The following POU6F2 variants were observed in gnomAD, a reference collection of about 807,000 sequenced individuals.
POU6F2 encodes POU class 6 homeobox 2, also known as POU domain, class 6, transcription factor 2.
POU6F2 carries 31 observed loss-of-function variants against 71.3 expected under a neutral mutation model. That is an observed-to-expected ratio of 0.43 (90% CI 0.33 to 0.59). The LOEUF is 0.59. Ranked by LOEUF, POU6F2 falls within the 20% of genes least tolerant of loss-of-function variation. POU6F2 has a pLI of 0.04. For missense variants in POU6F2, 783 were observed against 856.8 expected, an observed-to-expected ratio of 0.91 and a Z score of 1.07; for synonymous variants, 347 against 355.7, an observed-to-expected ratio of 0.98 and a Z score of 0.27.
chr7:39,080,322 A>G (rs1307385222), intron 1 of POU6F2, among the ~76,000 whole-genome samples: 1 of 152,170 alleles, frequency 6.6e-6, no homozygotes, highest in Non-Finnish European at 1.5e-5. Context: ...TCATACTTGA[A>G]GTTACCCTTT....
chr7:39,087,151 AATTAATTAATTT>A (rs1393986162), intron 2 of POU6F2, among the ~76,000 whole-genome samples: 16 of 58,860 alleles, frequency 2.7e-4, no homozygotes, highest in African/African-American at 7.2e-4. Context: ...TTTATTAATT[AATTAATTAATTT>A]ATTTATTTAT....
intron 4 of POU6F2, among the ~76,000 whole-genome samples, chr7:39,313,080 C>A (rs1389644067): frequency 1.3e-5 from 2 of 152,140 alleles, no homozygotes; most frequent in African/African-American, 4.8e-5. Flanking sequence ...GGAGAATCCA[C>A]CTCACTCAGA....
rs544558646 is a variant in POU6F2 at position 39,452,272 on chromosome 7, G to A, written c.1489+571G>A. Among the ~76,000 whole-genome samples, 43 of 152,288 alleles carry A rather than the reference G, an allele frequency of 2.8e-4. No homozygotes were observed. The South Asian group carries it at 7.9e-3, about 28-fold the overall frequency. On this transcript the variant is annotated intron_variant, in intron 8 of 9. Transcript: ENST00000518318. ...ACCATTCATAAAATAGGATAAGCCT[G>A]CAAGTCTGCCTCCCTAAATAGCCTA... is the stretch of plus-strand genomic sequence containing the variant.
chr7:39,029,193 C>T (rs989307222), intron 1 of POU6F2, among the ~76,000 whole-genome samples: 2 of 152,222 alleles, frequency 1.3e-5, no homozygotes, highest in African/African-American at 4.8e-5. Flanking sequence ...ATTATCATTG[C>T]TAGTACATAG....
At chr7:39,178,428 TATTTTCTAAGTATTATAAC>T (rs1408862464) in intron 2 of POU6F2, among the ~76,000 whole-genome samples, 1 of 152,216 alleles carries the variant, frequency 6.6e-6, no homozygotes, top group Non-Finnish European at 1.5e-5. Flanking sequence ...AAGTAGTCTT[TATTTTCTAAGTATTATAAC>T]ATTTTATAAG....
intron 4 of POU6F2, among the ~76,000 whole-genome samples, chr7:39,332,093 C>T (rs545376658): frequency 6.6e-6 from 1 of 152,324 alleles, no homozygotes; most frequent in East Asian, 1.9e-4. Context: ...CTCCTGGAAG[C>T]TCAATGACTT....
In POU6F2 at chr7:39,339,815, C is replaced by T. The variant is rs760180492; in HGVS notation, c.772C>T (p.Pro258Ser). Residue 258 changes from proline to serine, a missense_variant, in exon 5 of 10, where the codon CCA becomes TCA. Around this residue, in one of 2 missense-constraint regions of POU6F2, gnomAD observed 572 missense variants for 572.9 expected, o/e 1.00. Transcript: ENST00000518318. ...PLQPTPPQQP[P>S]PASQQPPAPT... is the part of the protein sequence containing the mutation. ...GCAGCCCACCCCACCCCAGCAGCCA[C>T]CACCCGCCTCTCAGCAGCCGCCAGC... is the stretch of plus-strand genomic sequence containing the variant. 2 of 1,576,492 alleles carry T rather than the reference C, an allele frequency of 1.3e-6. No individual in the cohort carries two copies. Among genetic ancestry groups the T allele is most frequent in the Admixed American group, 3.8e-5 (2 of 52,998 alleles).
chr7:39,114,512 G>A (rs893208936), intron 2 of POU6F2, among the ~76,000 whole-genome samples: 1 of 152,192 alleles, frequency 6.6e-6, no homozygotes, highest in African/African-American at 2.4e-5. Flanking sequence ...AAGGTCACAT[G>A]TGGGGAAAGT....
At chr7:39,340,500 C>T (rs1314526689) in intron 5 of POU6F2, among the ~76,000 whole-genome samples, 2 of 152,150 alleles carry the variant, frequency 1.3e-5, no homozygotes, top group Non-Finnish European at 2.9e-5. Flanking sequence ...TCTAAAGACT[C>T]TCTGGGGTTA....
intron 5 of POU6F2, among the ~76,000 whole-genome samples, chr7:39,395,834 A>G (rs554903045): frequency 1.3e-5 from 2 of 152,324 alleles, no homozygotes; most frequent in African/African-American, 4.8e-5. Flanking sequence ...GTAGCTAGAA[A>G]CTAGAGTAAC....
intron 4 of POU6F2, chr7:39,328,896 T>G (rs548073427): frequency 6.6e-6 from 1 of 152,244 alleles, no homozygotes; most frequent in Non-Finnish European, 1.5e-5. Context: ...GATGCCGTCT[T>G]TCTGTACTTC....
At position 39,338,103 on chromosome 7, in the gene POU6F2, A is replaced by T. The variant is rs139705453; in HGVS notation, c.599-1539A>T. ...ACATATGTGCCCCCACCTGAAAGAC[A>T]TCAGGTTAGGTTCGATTTGAATCAG... On this transcript the variant is annotated intron_variant, in intron 4 of 9. Coordinates refer to ENST00000518318, the MANE Select transcript of POU6F2 (RefSeq NM_001370959.1). 6.6e-3 allele frequency among the ~76,000 whole-genome samples: 1,002 copies of T among 152,342 alleles called. 7 individuals carry two copies. The highest frequency in any genetic ancestry group is 0.023 in the African/African-American group (952 of 41,576).
chr7:39,418,688 TC>T (rs1787743011), intron 6 of POU6F2, among the ~76,000 whole-genome samples: 1 of 145,162 alleles, frequency 6.9e-6, no homozygotes. Flanking sequence ...AGACTCTGTC[TC>T]AAAAAAAAAA....
chr7:39,013,045 G>T (rs1221896889), intron 1 of POU6F2: 1 of 151,898 alleles, frequency 6.6e-6, no homozygotes, highest in Non-Finnish European at 1.5e-5. Context: ...TTGAGCTGTG[G>T]TGGGCTCCAC....
chr7:39,259,472 A>AC, intron 4 of POU6F2, among the ~76,000 whole-genome samples: 1 of 152,252 alleles, frequency 6.6e-6, no homozygotes, highest in African/African-American at 2.4e-5. Context: ...GAGTCCAAAG[A>AC]CTGTGGGAAG....
At chr7:39,160,250 G>C (rs1792966374) in intron 2 of POU6F2, among the ~76,000 whole-genome samples, 1 of 152,174 alleles carries the variant, frequency 6.6e-6, no homozygotes, top group South Asian at 2.1e-4. Context: ...GCATCCAGTA[G>C]AGGAAGACTG....
chr7:39,149,971 C>T (rs1223961315), intron 2 of POU6F2, among the ~76,000 whole-genome samples: 2 of 151,880 alleles, frequency 1.3e-5, no homozygotes, highest in Admixed American at 6.6e-5. Flanking sequence ...CTGCAAGCCC[C>T]GCCTCCCGGG....
intron 2 of POU6F2, among the ~76,000 whole-genome samples, chr7:39,106,757 G>C (rs1037147329): frequency 1.3e-5 from 2 of 152,138 alleles, no homozygotes; most frequent in African/African-American, 4.8e-5. Flanking sequence ...CCTTCAGAAA[G>C]GATATGCAAA....
rs73371346 is a variant in POU6F2 at position 39,053,030 on chromosome 7, C to T, written c.106-32830C>T. 5.1e-3 allele frequency among the ~76,000 whole-genome samples: 778 copies of T among 152,194 alleles called. 9 individuals carry two copies. Among genetic ancestry groups the T allele is most frequent in the African/African-American group, 0.018 (749 of 41,536 alleles). On this transcript the variant is annotated intron_variant, in intron 1 of 9. Coordinates refer to ENST00000518318, the MANE Select transcript of POU6F2 (RefSeq NM_001370959.1). The stretch of plus-strand genomic sequence containing the variant: ...CATTATCAGGCCTGCCACAGATCTA[C>T]TGAATTAGAAACTTGGGCAGGGGTG...
Sources: gnomAD v4.1 joint callset for allele counts (sites outside exome capture counted in the v4.1 genomes callset) on GRCh38, gnomAD v4.1.1 for gene constraint, gnomAD v4.1.1 regional missense constraint, MANE v1.5 for transcripts, NCBI Gene and HGNC (gene_info 2026-07-23, HGNC 2026-07-21) for gene names.